CD2AP: variants seen among roughly 807,000 people sequenced by gnomAD.
CD2AP encodes the protein CD2-associated protein.
CD2AP carries 46 observed loss-of-function variants against 85.1 expected under a neutral mutation model. That is an observed-to-expected ratio of 0.54 (90% confidence interval 0.43 to 0.69). CD2AP has a LOEUF of 0.69. Ranked by LOEUF, CD2AP falls within the 30% of genes least tolerant of loss-of-function variation. CD2AP has a pLI of 0.00. For synonymous variants in CD2AP, 255 were observed against 252.9 expected (o/e 1.01, Z -0.08); for missense variants, 769 against 729.5 (o/e 1.05, Z -0.62).
At chr6:47,516,247 C>T (rs1004438650) in intron 2 of CD2AP, among the ~76,000 whole-genome samples, 1 of 152,132 alleles carries the variant, frequency 6.6e-6, no homozygotes, top group Admixed American at 6.5e-5. Flanking sequence ...TTTCATGTGG[C>T]GGCACAACCT....
rs371058774 is a variant in CD2AP, at chr6:47,557,169, G to GTTT, written c.541+2415_541+2417dup. On this transcript the variant is annotated intron_variant, in intron 5 of 17. Coordinates refer to ENST00000359314, the MANE Select transcript of CD2AP (RefSeq NM_012120.3). ...TAGCCTTTGCCCACCTTTTGATGGAGTTTTTTTTTTTTTTCTTGTAAATAT... is the reference window on the plus strand; with the variant it reads ...TAGCCTTTGCCCACCTTTTGATGGAGTTTTTTTTTTTTTTTTTCTTGTAAATAT... Among the ~76,000 whole-genome samples the GTTT allele has an allele frequency of 9.0e-4, 130 of 144,614 alleles. 1 individual carries two copies. Among genetic ancestry groups the GTTT allele is most frequent in the East Asian group, 1.6e-3 (8 of 4,958 alleles). 94.9% of individuals were successfully genotyped at this position (144,614 alleles called of 152,430 possible).
chr6:47,573,945 G>T, intron 5 of CD2AP, 119 bp from the exon 6 acceptor site: 1 of 900,020 alleles, frequency 1.1e-6, no homozygotes. Context: ...GTACTGAATA[G>T]TTTAATTTTT....
chr6:47,608,644 A>G (rs1249800950), intron 15 of CD2AP, among the ~76,000 whole-genome samples: 1 of 152,172 alleles, frequency 6.6e-6, no homozygotes, highest in African/African-American at 2.4e-5. Flanking sequence ...AAATTTTATT[A>G]AAGTGACTTT....
chr6:47,548,559 T>C (rs1025206128), intron 4 of CD2AP, among the ~76,000 whole-genome samples: 31 of 151,954 alleles, frequency 2.0e-4, no homozygotes, highest in African/African-American at 7.5e-4. Context: ...AAGTGGTAAT[T>C]AAAAAATTAC....
chr6:47,536,444 C>CA (rs1767047219), intron 3 of CD2AP, among the ~76,000 whole-genome samples: 1 of 152,070 alleles, frequency 6.6e-6, no homozygotes, highest in Non-Finnish European at 1.5e-5. Context: ...TGTGCCAAGA[C>CA]AAAATGAATC....
chr6:47,494,682 G>C (rs1342087178), intron 1 of CD2AP, among the ~76,000 whole-genome samples: 1 of 152,176 alleles, frequency 6.6e-6, no homozygotes, highest in Non-Finnish European at 1.5e-5. Context: ...ACCCACAATA[G>C]TGTGGGGACT....
chr6:47,523,363 T>C (rs767777599), intron 2 of CD2AP, among the ~76,000 whole-genome samples: 4 of 152,008 alleles, frequency 2.6e-5, no homozygotes, highest in Non-Finnish European at 4.4e-5. Flanking sequence ...TAGTAATCAT[T>C]TCACTATCTA....
chr6:47,530,275 C>G (rs1314196343), intron 2 of CD2AP, among the ~76,000 whole-genome samples: 1 of 152,146 alleles, frequency 6.6e-6, no homozygotes, highest in Non-Finnish European at 1.5e-5. Flanking sequence ...AGTTTTTAAA[C>G]AATTGTATAC....
intron 5 of CD2AP, among the ~76,000 whole-genome samples, chr6:47,569,585 G>T (rs1034824343): frequency 6.6e-6 from 1 of 151,530 alleles, no homozygotes; most frequent in African/African-American, 2.4e-5. Flanking sequence ...AACCCTGATG[G>T]ATTGTTCTTC....
At position 47,624,294 on chromosome 6, in the gene CD2AP, T is replaced by C; in HGVS notation, c.*67T>C. ...AGCAACGCTATGAACTTCAGCTGAC[T>C]TGTTACTTAAAAATTGTGAATTCTG... On this transcript the variant is annotated 3_prime_UTR_variant, in exon 18 of 18. Coordinates refer to ENST00000359314, the MANE Select transcript of CD2AP (RefSeq NM_012120.3). The C allele has an allele frequency of 3.2e-6, 4 of 1,241,588 alleles. No homozygotes were observed. Among genetic ancestry groups the C allele is most frequent in the Non-Finnish European group, 4.7e-6 (4 of 842,900 alleles). The allele number at this position is 1,241,588 out of a possible 1,614,324, so 76.9% of individuals were successfully genotyped here.
rs143453079 is a variant in CD2AP, at chr6:47,522,114, A to G, written c.166-11488A>G. On this transcript the variant is annotated intron_variant, in intron 2 of 17. Transcript: ENST00000359314. ...CTCTGTTCACTGATGAGTTTCATAT[A>G]AAAGGGTGCAGAGTCCGATCACCTG... Among the ~76,000 whole-genome samples the G allele has an allele frequency of 4.7e-4, 71 of 152,272 alleles. 1 individual carries two copies. The highest frequency in any genetic ancestry group is 1.7e-3 in the African/African-American group (70 of 41,568).
At chr6:47,533,869 C>T in intron 3 of CD2AP, 114 bp downstream of exon 3, 4 of 1,033,530 alleles carry the variant, frequency 3.9e-6, no homozygotes, top group Non-Finnish European at 5.7e-6. Flanking sequence ...ACAGTAACTT[C>T]CTGCAAAGTC....
intron 3 of CD2AP, among the ~76,000 whole-genome samples, chr6:47,540,858 A>G (rs1263325423): frequency 1.3e-5 from 2 of 152,246 alleles, no homozygotes; most frequent in African/African-American, 2.4e-5. Flanking sequence ...TCTTTTCAAT[A>G]ATATGGATTG....
intron 1 of CD2AP, among the ~76,000 whole-genome samples, chr6:47,480,410 A>T (rs906151966): frequency 2.0e-5 from 3 of 151,972 alleles, no homozygotes; most frequent in Admixed American, 1.3e-4. Context: ...AAAATCTGAA[A>T]TTTTTTTTGT....
At chr6:47,615,549 G>C (rs1288424696) in intron 17 of CD2AP, among the ~76,000 whole-genome samples, 1 of 151,926 alleles carries the variant, frequency 6.6e-6, no homozygotes, top group Non-Finnish European at 1.5e-5. Flanking sequence ...GAGAGAGTGG[G>C]AGGGGCCACG....
chr6:47,590,899 G>C (rs751592398), intron 11 of CD2AP, among the ~76,000 whole-genome samples: 55 of 152,092 alleles, frequency 3.6e-4, no homozygotes, highest in Non-Finnish European at 6.8e-4. Flanking sequence ...GCAAGGAATT[G>C]AAGAAGACAC....
At chr6:47,599,496 A>T in intron 13 of CD2AP, 53 bp downstream of exon 13, 1 of 1,500,720 alleles carries the variant, frequency 6.7e-7, no homozygotes, top group South Asian at 1.2e-5. Context: ...TTGTCAAAGA[A>T]ACTCTTTAAG....
At chr6:47,609,901 G>C (rs113501210) in intron 16 of CD2AP, among the ~76,000 whole-genome samples, 2 of 152,080 alleles carry the variant, frequency 1.3e-5, no homozygotes, top group African/African-American at 4.8e-5. Context: ...GAAAAATATC[G>C]TATTTTGGAT....
intron 5 of CD2AP, among the ~76,000 whole-genome samples, chr6:47,572,081 A>C (rs546250644): frequency 1.7e-4 from 26 of 152,304 alleles, no homozygotes; most frequent in African/African-American, 6.3e-4. Flanking sequence ...ACACTCCCCC[A>C]TTGTAATAAC....
Sources: gnomAD v4.1 joint callset for allele counts (sites outside exome capture counted in the v4.1 genomes callset) on GRCh38, gnomAD v4.1.1 for gene constraint, MANE v1.5 for transcripts, NCBI Gene and HGNC (gene_info 2026-07-23, HGNC 2026-07-21) for gene names.